Variants in WDR41 observed in about 807,000 individuals in gnomAD.
WDR41 encodes the protein WD repeat domain 41.
In WDR41, 63 loss-of-function variants were observed where a neutral mutation model predicts 69.3. The ratio of observed to expected loss-of-function variants is 0.91; its 90% CI spans 0.74 to 1.12. The LOEUF (loss-of-function observed/expected upper bound fraction) is 1.12, where lower values mean the gene tolerates loss of function less well. Among genes scored for constraint, WDR41 ranks in the 50% most tolerant of loss-of-function variants. WDR41 has a pLI of 0.00. For missense variants in WDR41, 543 were observed against 534.5 expected, an observed-to-expected ratio of 1.02 and a Z score of -0.16; for synonymous variants, 185 against 192.1, an observed-to-expected ratio of 0.96 and a Z score of 0.31.
intron 2 of WDR41, among the ~76,000 whole-genome samples, chr5:77,488,355 C>T (rs527453870): frequency 6.6e-6 from 1 of 151,984 alleles, no homozygotes; most frequent in African/African-American, 2.4e-5. Context: ...AATCCCAACA[C>T]TTTGGGAGGC....
intron 1 of WDR41, among the ~76,000 whole-genome samples, chr5:77,515,466 C>T (rs1187283936): frequency 6.6e-6 from 1 of 152,126 alleles, no homozygotes; most frequent in Non-Finnish European, 1.5e-5. Flanking sequence ...AAGGATCAGC[C>T]TGAGGCTGTT....
At chr5:77,437,849 C>T (rs959160271) in intron 10 of WDR41, among the ~76,000 whole-genome samples, 1 of 152,152 alleles carries the variant, frequency 6.6e-6, no homozygotes, top group Non-Finnish European at 1.5e-5. Context: ...GACAGGAAAC[C>T]ACTCACTTAG....
chr5:77,595,950 T>C (rs1744220478), intron 1 of WDR41, among the ~76,000 whole-genome samples: 1 of 152,202 alleles, frequency 6.6e-6, no homozygotes, highest in Non-Finnish European at 1.5e-5. Flanking sequence ...TGCTATTTTA[T>C]GAAATTTGGG....
rs146354744 is a variant in WDR41, at chr5:77,533,756, A to G, written c.43-44184T>C. Among the ~76,000 whole-genome samples the G allele has an allele frequency of 6.6e-5, 10 of 152,306 alleles. No homozygotes were observed. The East Asian group carries it at 1.9e-3, about 29-fold the overall frequency. ...ATATACTAATATTGTTATTGTTGCT[A>G]ATCTACAGCACTCTCAGATCAGTGT... On this transcript the variant is annotated intron_variant, in intron 1 of 5. Transcript: ENST00000509971.
intron 1 of WDR41, among the ~76,000 whole-genome samples, chr5:77,604,580 T>C (rs1580048143): frequency 6.6e-6 from 1 of 152,250 alleles, no homozygotes; most frequent in South Asian, 2.1e-4. Context: ...TTGTGGAGGA[T>C]GTTTTGACAT....
At chr5:77,580,252 T>C (rs973099249) in intron 1 of WDR41, among the ~76,000 whole-genome samples, 3 of 152,120 alleles carry the variant, frequency 2.0e-5, no homozygotes, top group Non-Finnish European at 4.4e-5. Context: ...CACAGTTCAG[T>C]ATGGCTGGAG....
chr5:77,608,783 G>C (rs545358065), intron 1 of WDR41, among the ~76,000 whole-genome samples: 4 of 152,352 alleles, frequency 2.6e-5, no homozygotes, highest in Non-Finnish European at 4.4e-5. Flanking sequence ...CATCTCACTA[G>C]GGAGTGCCAG....
chr5:77,533,643 G>A (rs1401332566), intron 1 of WDR41, among the ~76,000 whole-genome samples: 2 of 152,102 alleles, frequency 1.3e-5, no homozygotes, highest in African/African-American at 4.8e-5. Context: ...TGAAATGGAT[G>A]ATGATGGTTG....
At chr5:77,559,887 C>T (rs1386355172) in intron 1 of WDR41, among the ~76,000 whole-genome samples, 1 of 152,050 alleles carries the variant, frequency 6.6e-6, no homozygotes, top group African/African-American at 2.4e-5. Context: ...CAAAGCAACA[C>T]ATAATTTCTG....
chr5:77,582,757 G>T (rs965391069), intron 1 of WDR41: 4 of 1,596,226 alleles, frequency 2.5e-6, no homozygotes, highest in Admixed American at 1.7e-5. Flanking sequence ...GCTCAACAAG[G>T]CTTCGATTAA....
chr5:77,457,282 T>TAA (rs1433035442), intron 5 of WDR41, among the ~76,000 whole-genome samples: 2 of 152,196 alleles, frequency 1.3e-5, no homozygotes, highest in African/African-American at 4.8e-5. Flanking sequence ...TCTTTTTAGA[T>TAA]GTTGCTGAAT....
chr5:77,564,554 C>G (rs896732140), intron 1 of WDR41, among the ~76,000 whole-genome samples: 4 of 152,128 alleles, frequency 2.6e-5, no homozygotes, highest in Non-Finnish European at 5.9e-5. Flanking sequence ...TCTAAATGAC[C>G]TAACTTCTTT....
intron 1 of WDR41, among the ~76,000 whole-genome samples, chr5:77,503,906 T>C (rs775798781): frequency 6.6e-6 from 1 of 152,114 alleles, no homozygotes; most frequent in Non-Finnish European, 1.5e-5. Context: ...TAGCACTAAA[T>C]GCCCACAAGG....
At chr5:77,583,260 A>G (rs1372181451) in intron 1 of WDR41, 2 of 615,928 alleles carry the variant, frequency 3.2e-6, no homozygotes, top group Admixed American at 3.0e-5. Flanking sequence ...CGTCCCTGTT[A>G]TCTCAACATT....
chr5:77,599,197 C>CTTTTT (rs34759217), intron 1 of WDR41, among the ~76,000 whole-genome samples: 43 of 76,196 alleles, frequency 5.6e-4, no homozygotes, highest in African/African-American at 6.9e-4. Flanking sequence ...ATCGGAAGCT[C>CTTTTT]TTTTTTTTTT....
At chr5:77,463,463 ATT>A (rs1201684162) in intron 3 of WDR41, among the ~76,000 whole-genome samples, 1 of 151,970 alleles carries the variant, frequency 6.6e-6, no homozygotes, top group Non-Finnish European at 1.5e-5. Context: ...TTTATAGAAA[ATT>A]TTGAGTATTT....
At chr5:77,619,858 G>A (rs564399760) in intron 1 of WDR41, among the ~76,000 whole-genome samples, 1 of 152,242 alleles carries the variant, frequency 6.6e-6, no homozygotes, top group Admixed American at 6.5e-5. Flanking sequence ...GCCAAAAGGT[G>A]CCTCTGTATA....
intron 9 of WDR41, among the ~76,000 whole-genome samples, chr5:77,438,995 G>A (rs1799052577): frequency 6.6e-6 from 1 of 152,114 alleles, no homozygotes; most frequent in African/African-American, 2.4e-5. Context: ...TGTTAAGAAA[G>A]GCAAGCATCA....
Position 77,607,211 on chromosome 5 carries a change from G to T in WDR41, c.42+13268C>A, listed in dbSNP as rs559026503. Among the ~76,000 whole-genome samples, 131 of 152,282 alleles carry T rather than the reference G, an allele frequency of 8.6e-4. 2 individuals carry two copies. The South Asian group carries it at 0.027, about 31-fold the overall frequency. On this transcript the variant is annotated intron_variant, in intron 1 of 5. Coordinates refer to the WDR41 transcript ENST00000509971. ...AAAAGTTCATATGGAACTGAACAAT[G>T]AAGGTAAGGCTATCAACACTTGAAC...
Sources: allele counts gnomAD v4.1 joint callset (sites outside exome capture counted in the v4.1 genomes callset), GRCh38; gene constraint gnomAD v4.1.1; transcripts MANE v1.5; gene names NCBI Gene and HGNC (gene_info 2026-07-23, HGNC 2026-07-21).